Variants in ZNF804A observed in about 807,000 individuals in gnomAD.
ZNF804A encodes zinc finger protein 804A.
ZNF804A carries 2 observed loss-of-function variants against 16.5 expected under a neutral mutation model. That is an observed-to-expected ratio of 0.12 (90% CI 0.05 to 0.38). The LOEUF (loss-of-function observed/expected upper bound fraction) is 0.38. Ranked by LOEUF, ZNF804A falls within the 10% of genes least tolerant of loss-of-function variation. The pLI is 0.99. For missense variants in ZNF804A, 1,473 were observed against 1,390.7 expected, an observed-to-expected ratio of 1.06 and a Z score of -0.94; for synonymous variants, 534 against 489.6, an observed-to-expected ratio of 1.09 and a Z score of -1.20.
intron 1 of ZNF804A, among the ~76,000 whole-genome samples, chr2:184,848,567 G>A (rs377180688): frequency 6.6e-6 from 1 of 152,164 alleles, no homozygotes; most frequent in East Asian, 1.9e-4. Flanking sequence ...AAGTGAACAA[G>A]TGTGTTATGC....
At chr2:184,636,086 A>G (rs887316346) in intron 1 of ZNF804A, among the ~76,000 whole-genome samples, 15 of 152,170 alleles carry the variant, frequency 9.9e-5, no homozygotes, top group Admixed American at 6.5e-5. Context: ...TTATTTTCCA[A>G]TAGCTCTTAA....
chr2:184,729,459 C>T (rs954538898), intron 1 of ZNF804A, among the ~76,000 whole-genome samples: 1 of 151,730 alleles, frequency 6.6e-6, no homozygotes, highest in Non-Finnish European at 1.5e-5. Context: ...GAAATGGAAC[C>T]CATGATTTCA....
intron 1 of ZNF804A, among the ~76,000 whole-genome samples, chr2:184,613,455 A>G (rs1469052436): frequency 2.0e-5 from 3 of 152,338 alleles, no homozygotes; most frequent in Admixed American, 2.0e-4. Context: ...TTTGAAAAGG[A>G]AGAACTTTCT....
At chr2:184,690,343 G>T (rs1358352107) in intron 1 of ZNF804A, among the ~76,000 whole-genome samples, 1 of 151,994 alleles carries the variant, frequency 6.6e-6, no homozygotes, top group African/African-American at 2.4e-5. Context: ...ATCAAGTAAA[G>T]ATTATGTAGT....
chr2:184,789,118 C>CA (rs1694493068), intron 1 of ZNF804A, among the ~76,000 whole-genome samples: 1 of 151,968 alleles, frequency 6.6e-6, no homozygotes, highest in African/African-American at 2.4e-5. Context: ...GTACTTAGTT[C>CA]TGTTAATTAG....
chr2:184,868,230 C>G (rs945747037), intron 2 of ZNF804A, among the ~76,000 whole-genome samples: 2 of 152,026 alleles, frequency 1.3e-5, no homozygotes, highest in Admixed American at 1.3e-4. Flanking sequence ...TTGATTAATT[C>G]AATGTGATAT....
chr2:184,895,887 G>A (rs1351058044), intron 2 of ZNF804A, among the ~76,000 whole-genome samples: 1 of 152,008 alleles, frequency 6.6e-6, no homozygotes, highest in Non-Finnish European at 1.5e-5. Flanking sequence ...GTCTATGTGG[G>A]CATTGACTTT....
intron 1 of ZNF804A, among the ~76,000 whole-genome samples, chr2:184,789,989 C>A (rs1694508542): frequency 1.3e-5 from 2 of 151,986 alleles, no homozygotes; most frequent in East Asian, 1.9e-4. Context: ...TCTCACACTT[C>A]TTTTGCTGGA....
At chr2:184,732,394 A>G (rs1481282696) in intron 1 of ZNF804A, among the ~76,000 whole-genome samples, 1 of 151,830 alleles carries the variant, frequency 6.6e-6, no homozygotes, top group African/African-American at 2.4e-5. Flanking sequence ...TCATTGATCT[A>G]TTTGTCTATT....
At chr2:184,933,121 C>A (rs1302189947) in intron 2 of ZNF804A, among the ~76,000 whole-genome samples, 1 of 139,362 alleles carries the variant, frequency 7.2e-6, no homozygotes, top group African/African-American at 2.8e-5. Flanking sequence ...TCCTAATAAA[C>A]TTTTCACTTA....
intron 2 of ZNF804A, among the ~76,000 whole-genome samples, chr2:184,909,932 T>C (rs757678774): frequency 6.6e-6 from 1 of 152,198 alleles, no homozygotes; most frequent in South Asian, 2.1e-4. Flanking sequence ...TAAAACAATG[T>C]AGTAGTTTTA....
Position 184,937,879 on chromosome 2 carries a change from TCAAAGAAAATA to T in ZNF804A, c.2486_2496del (p.Lys829ArgfsTer15). 6.2e-7 allele frequency: 1 copy of T among 1,614,062 alleles called. No homozygotes were observed. The highest frequency in any genetic ancestry group is 8.5e-7 in the Non-Finnish European group (1 of 1,179,976). The stretch of plus-strand genomic sequence containing the variant: ...CACCCCGGATTTGAAACTTTAGAAC[TCAAAGAAAATA>T]CAGATTATCCCGTGAAAGACAATTC... On this transcript the variant is annotated frameshift_variant, in exon 4 of 4. Transcript: ENST00000302277. LOFTEE classifies it low-confidence loss of function (END_TRUNC).
chr2:184,819,700 G>A (rs190016812), intron 1 of ZNF804A, among the ~76,000 whole-genome samples: 3 of 150,960 alleles, frequency 2.0e-5, no homozygotes, highest in African/African-American at 7.3e-5. Flanking sequence ...AAAGAGGGAA[G>A]AATCAAATGA....
intron 1 of ZNF804A, among the ~76,000 whole-genome samples, chr2:184,774,376 T>C (rs939963943): frequency 6.6e-6 from 1 of 151,932 alleles, no homozygotes; most frequent in Non-Finnish European, 1.5e-5. Flanking sequence ...AATGTTACAA[T>C]ATACTTCTTT....
In ZNF804A at chr2:184,780,108, A is replaced by T. The variant is rs1053712851; in HGVS notation, c.112-86261A>T. ...GCTCAGACTGTGTGATATCTCCATT[A>T]TAAAGTCTACCTAATACTGATTAAG... On this transcript the variant is annotated intron_variant, in intron 1 of 3. Transcript: ENST00000302277. Among the ~76,000 whole-genome samples, 3 of 151,842 alleles carry T rather than the reference A, an allele frequency of 2.0e-5. No individual in the cohort carries two copies. The South Asian group carries it at 6.2e-4, about 31-fold the overall frequency.
At chr2:184,678,872 G>GA in intron 1 of ZNF804A, among the ~76,000 whole-genome samples, 1 of 152,122 alleles carries the variant, frequency 6.6e-6, no homozygotes, top group African/African-American at 2.4e-5. Context: ...AATGCAGACA[G>GA]AAAAAATATC....
chr2:184,683,335 C>T (rs760310846), intron 1 of ZNF804A, among the ~76,000 whole-genome samples: 14 of 152,072 alleles, frequency 9.2e-5, no homozygotes, highest in Non-Finnish European at 1.5e-4. Context: ...AAACCTCTTT[C>T]GCTATACAAC....
At chr2:184,694,674 C>T (rs1252284598) in intron 1 of ZNF804A, among the ~76,000 whole-genome samples, 1 of 152,104 alleles carries the variant, frequency 6.6e-6, no homozygotes, top group African/African-American at 2.4e-5. Flanking sequence ...GGATCACTGG[C>T]TTGAAATTTG....
Position 184,671,333 on chromosome 2 carries a change from G to A in ZNF804A, c.111+72263G>A, listed in dbSNP as rs189756924. Among the ~76,000 whole-genome samples, 647 of 152,258 alleles carry A rather than the reference G, an allele frequency of 4.2e-3. 5 individuals carry two copies. Among genetic ancestry groups the A allele is most frequent in the African/African-American group, 0.015 (615 of 41,542 alleles). On this transcript the variant is annotated intron_variant, in intron 1 of 3. Transcript: ENST00000302277. Reference sequence around the variant, plus strand: ...TTTATTTATCTTCTGACTACTGTCTGGGTTGAATCATAGAGAACTCTAGCC... The same window carrying A: ...TTTATTTATCTTCTGACTACTGTCTAGGTTGAATCATAGAGAACTCTAGCC...
Sources: gnomAD v4.1 joint callset for allele counts (sites outside exome capture counted in the v4.1 genomes callset) on GRCh38, gnomAD v4.1.1 for gene constraint, MANE v1.5 for transcripts, NCBI Gene and HGNC (gene_info 2026-07-23, HGNC 2026-07-21) for gene names.